Variants in SGMS1 observed in about 807,000 individuals in gnomAD.
SGMS1 encodes sphingomyelin synthase 1, also known as phosphatidylcholine:ceramide cholinephosphotransferase 1.
In SGMS1, 13 loss-of-function variants were observed where a neutral mutation model predicts 46.2. That is an observed-to-expected ratio of 0.28 (90% CI 0.18 to 0.45). SGMS1 has a LOEUF of 0.45. SGMS1 is among the 20% of genes least tolerant of loss of function. The pLI, the probability that SGMS1 is intolerant of heterozygous loss-of-function variation, is 1.00. For synonymous variants in SGMS1, 203 were observed against 187.8 expected, an observed-to-expected ratio of 1.08 and a Z score of -0.66; for missense variants, 324 against 519.9, an observed-to-expected ratio of 0.62 and a Z score of 3.66.
chr10:50,449,329 A>G (rs1169676821), intron 5 of SGMS1, among the ~76,000 whole-genome samples: 1 of 152,176 alleles, frequency 6.6e-6, no homozygotes, highest in Non-Finnish European at 1.5e-5. Flanking sequence ...AAAGCTTCCT[A>G]AGATGAACAA....
intron 2 of SGMS1, among the ~76,000 whole-genome samples, chr10:50,546,778 G>C (rs183595852): frequency 7.2e-5 from 11 of 152,180 alleles, no homozygotes; most frequent in Admixed American, 5.2e-4. Flanking sequence ...TGTAAATTAT[G>C]AGTTAATGGG....
chr10:50,323,586 T>C (rs1847482988), intron 8 of SGMS1, among the ~76,000 whole-genome samples: 1 of 152,246 alleles, frequency 6.6e-6, no homozygotes, highest in African/African-American at 2.4e-5. Flanking sequence ...TCCAGCCTGA[T>C]GTTTCCCTCA....
chr10:50,436,723 G>T (rs1266983026), intron 5 of SGMS1, among the ~76,000 whole-genome samples: 1 of 152,160 alleles, frequency 6.6e-6, no homozygotes, highest in Non-Finnish European at 1.5e-5. Context: ...AAGAAGACTG[G>T]CTGGCATCAA....
At chr10:50,509,608 T>C (rs957267045) in intron 3 of SGMS1, among the ~76,000 whole-genome samples, 2 of 152,154 alleles carry the variant, frequency 1.3e-5, no homozygotes, top group African/African-American at 4.8e-5. Flanking sequence ...CTAAACACTA[T>C]CTCCACTAAC....
At chr10:50,469,154 T>C (rs1837357090) in intron 3 of SGMS1, among the ~76,000 whole-genome samples, 1 of 152,240 alleles carries the variant, frequency 6.6e-6, no homozygotes, top group Non-Finnish European at 1.5e-5. Flanking sequence ...GCTATTGTGT[T>C]GACCATAACA....
intron 3 of SGMS1, among the ~76,000 whole-genome samples, chr10:50,485,013 C>A (rs1439087513): frequency 6.6e-6 from 1 of 152,122 alleles, no homozygotes; most frequent in Non-Finnish European, 1.5e-5. Flanking sequence ...TCTCACCACT[C>A]GTATTCAACA....
intron 7 of SGMS1, among the ~76,000 whole-genome samples, chr10:50,342,042 A>G (rs550285850): frequency 6.6e-6 from 1 of 152,226 alleles, no homozygotes; most frequent in African/African-American, 2.4e-5. Flanking sequence ...CCGGAAAAGG[A>G]GCAAACTTAC....
intron 6 of SGMS1, among the ~76,000 whole-genome samples, chr10:50,415,601 C>A (rs1849159063): frequency 6.6e-6 from 1 of 152,054 alleles, no homozygotes; most frequent in Admixed American, 6.6e-5. Context: ...GTCAGCAATG[C>A]CTAGTCCTGG....
At chr10:50,473,728 C>G (rs1293411539) in intron 3 of SGMS1, among the ~76,000 whole-genome samples, 1 of 152,196 alleles carries the variant, frequency 6.6e-6, no homozygotes, top group Non-Finnish European at 1.5e-5. Context: ...GGAATCTGTT[C>G]ACCCACTCCC....
intron 2 of SGMS1, among the ~76,000 whole-genome samples, chr10:50,550,161 G>A (rs975948820): frequency 1.3e-5 from 2 of 152,140 alleles, no homozygotes; most frequent in African/African-American, 2.4e-5. Flanking sequence ...AATACAACAG[G>A]CAGAGTAGAT....
chr10:50,619,981 G>C (rs888473260), intron 1 of SGMS1, among the ~76,000 whole-genome samples: 2 of 152,218 alleles, frequency 1.3e-5, no homozygotes, highest in Admixed American at 1.3e-4. Context: ...CTGTGGATCT[G>C]TGTGTGATGT....
intron 2 of SGMS1, among the ~76,000 whole-genome samples, chr10:50,555,378 A>C (rs1838181827): frequency 6.6e-6 from 1 of 152,206 alleles, no homozygotes; most frequent in African/African-American, 2.4e-5. Flanking sequence ...AATTGCATAA[A>C]GTTCACCATC....
chr10:50,312,337 T>TAAAAAAAA (rs10591253), intron 8 of SGMS1, among the ~76,000 whole-genome samples: 1 of 135,112 alleles, frequency 7.4e-6, no homozygotes, highest in Non-Finnish European at 1.6e-5. Flanking sequence ...TGTGAGAAAT[T>TAAAAAAAA]AAAAAAAAAA....
In SGMS1 at chr10:50,498,903, C is replaced by G. The variant is rs769915156; in HGVS notation, c.-498+20928G>C. On this transcript the variant is annotated intron_variant, in intron 3 of 10. Transcript: ENST00000361781. ...GGAACTGTCATATTGTTTTCCATAG[C>G]ATCTGTACCATTTTACATTCCCACC... is the stretch of plus-strand genomic sequence containing the variant. Among the ~76,000 whole-genome samples, 70 of 152,156 alleles carry G rather than the reference C, an allele frequency of 4.6e-4. 1 individual carries two copies. The highest frequency in any genetic ancestry group is 1.3e-4 in the Non-Finnish European group (9 of 68,014).
At chr10:50,476,228 C>T (rs1032284222) in intron 3 of SGMS1, among the ~76,000 whole-genome samples, 4 of 145,016 alleles carry the variant, frequency 2.8e-5, no homozygotes, top group South Asian at 4.5e-4. Context: ...GAGCCAAGAT[C>T]GTGCCACTGC....
intron 6 of SGMS1, among the ~76,000 whole-genome samples, chr10:50,428,761 A>T (rs1454680194): frequency 6.6e-6 from 1 of 152,234 alleles, no homozygotes; most frequent in Non-Finnish European, 1.5e-5. Flanking sequence ...TGCAAAATGC[A>T]GATAATCCCA....
intron 2 of SGMS1, among the ~76,000 whole-genome samples, chr10:50,524,844 C>T (rs1198028872): frequency 6.6e-6 from 1 of 152,074 alleles, no homozygotes; most frequent in African/African-American, 2.4e-5. Flanking sequence ...AATGGTGACC[C>T]TATGACAACA....
At chr10:50,452,740 T>C (rs1018929479) in intron 5 of SGMS1, among the ~76,000 whole-genome samples, 3 of 152,156 alleles carry the variant, frequency 2.0e-5, no homozygotes, top group African/African-American at 7.2e-5. Flanking sequence ...TGCGTAAAAC[T>C]GGAACTTCAC....
intron 1 of SGMS1, among the ~76,000 whole-genome samples, chr10:50,616,567 G>A (rs757384444): frequency 3.9e-5 from 6 of 152,192 alleles, no homozygotes; most frequent in Admixed American, 6.5e-5. Flanking sequence ...GCCTCCCTAA[G>A]CGGCGGGGGG....
Sources: allele counts gnomAD v4.1 joint callset (sites outside exome capture counted in the v4.1 genomes callset), GRCh38; gene constraint gnomAD v4.1.1; transcripts MANE v1.5; gene names NCBI Gene and HGNC (gene_info 2026-07-23, HGNC 2026-07-21).